Variants in PI4KB observed in about 807,000 individuals in gnomAD.
PI4KB encodes PtdIns 4-kinase beta.
In PI4KB, 23 loss-of-function variants were observed where a neutral mutation model predicts 81.4. The observed-to-expected ratio is 0.28, with a 90% CI of 0.20 to 0.40. PI4KB has a LOEUF of 0.40. Ranked by LOEUF, PI4KB falls within the 10% of genes least tolerant of loss-of-function variation. The pLI is 1.00. For synonymous variants in PI4KB, 381 were observed against 406.8 expected, an observed-to-expected ratio of 0.94 and a Z score of 0.76; for missense variants, 651 against 1,036.6, an observed-to-expected ratio of 0.63 and a Z score of 5.11.
At chr1:151,313,071 G>A (rs904463020) in intron 2 of PI4KB, among the ~76,000 whole-genome samples, 1 of 152,118 alleles carries the variant, frequency 6.6e-6, no homozygotes, top group Non-Finnish European at 1.5e-5. Context: ...AGGAAGGAAG[G>A]AAGGAAGGAA....
chr1:151,310,317 A>C, intron 2 of PI4KB, 62 bp from the exon 3 acceptor site: 1 of 1,056,694 alleles, frequency 9.5e-7, no homozygotes, highest in Non-Finnish European at 1.4e-6. Flanking sequence ...GAGAGAGACA[A>C]AGGTAAAGAA....
At chr1:151,293,506 GT>G in intron 11 of PI4KB, 1 of 987,872 alleles carries the variant, frequency 1.0e-6, no homozygotes, top group Admixed American at 3.9e-5. Flanking sequence ...GAGACTGGCA[GT>G]TCAGACCTGG....
At chr1:151,323,861 T>C (rs758627836) in intron 1 of PI4KB, among the ~76,000 whole-genome samples, 14 of 151,704 alleles carry the variant, frequency 9.2e-5, no homozygotes, top group Non-Finnish European at 1.6e-4. Flanking sequence ...AGAACAGGAG[T>C]AGGGATGAAC....
intron 1 of PI4KB, among the ~76,000 whole-genome samples, chr1:151,325,459 G>C (rs1487926109): frequency 6.6e-6 from 1 of 152,160 alleles, no homozygotes; most frequent in East Asian, 1.9e-4. Context: ...AGAGAGACAT[G>C]GCAGCAACTA....
chr1:151,293,725 A>C (rs587665587), intron 11 of PI4KB: 53 of 372,942 alleles, frequency 1.4e-4, no homozygotes, highest in Non-Finnish European at 2.1e-4. Context: ...AGAGCTGGAC[A>C]GGGGTGGGGA....
chr1:151,307,518 C>T, intron 4 of PI4KB, 56 bp downstream of exon 4: 4 of 1,215,770 alleles, frequency 3.3e-6, no homozygotes, highest in Non-Finnish European at 4.8e-6. Flanking sequence ...AAACTCTGAA[C>T]AACCATGGGT....
At chr1:151,301,807 C>T in intron 8 of PI4KB, 37 bp downstream of exon 8, 2 of 1,605,228 alleles carry the variant, frequency 1.2e-6, no homozygotes, top group Non-Finnish European at 1.7e-6. Flanking sequence ...GCTGGGATTA[C>T]AGCCACTGTG....
At chr1:151,307,019 A>G (rs1267970490) in intron 4 of PI4KB, among the ~76,000 whole-genome samples, 4 of 152,242 alleles carry the variant, frequency 2.6e-5, no homozygotes, top group African/African-American at 4.8e-5. Context: ...AGGTTGCAGT[A>G]AGCCAAGATT....
chr1:151,319,158 G>C (rs1648470986), intron 1 of PI4KB, among the ~76,000 whole-genome samples: 1 of 152,112 alleles, frequency 6.6e-6, no homozygotes, highest in African/African-American at 2.4e-5. Context: ...CACAGTCTTT[G>C]ATACATAGTA....
At chr1:151,296,255 A>G (rs1238833699) in intron 9 of PI4KB, among the ~76,000 whole-genome samples, 2 of 152,098 alleles carry the variant, frequency 1.3e-5, no homozygotes, top group Non-Finnish European at 2.9e-5. Flanking sequence ...TCACACACAC[A>G]CACAAAAATA....
Position 151,315,503 on chromosome 1 carries a change from A to ATAT in PI4KB, c.909+67_909+69dup, listed in dbSNP as rs112240189. 3.3e-3 allele frequency: 3,215 copies of ATAT among 973,196 alleles called. 83 individuals carry two copies. The African/African-American group carries it at 0.045, about 14-fold the overall frequency. 60.3% of individuals were successfully genotyped at this position (973,196 alleles called of 1,614,324 possible). ...GAAAGAACAGCGTAACCCTGTGTGT[A>ATAT]TATAGGAGGCATCCTGTCTCCATGC... On this transcript the variant is annotated intron_variant, in intron 2 of 11. Coordinates refer to ENST00000368873, the MANE Select transcript of PI4KB (RefSeq NM_001369623.2).
At chr1:151,306,662 C>T (rs1452071765) in intron 4 of PI4KB, among the ~76,000 whole-genome samples, 1 of 152,194 alleles carries the variant, frequency 6.6e-6, no homozygotes, top group Non-Finnish European at 1.5e-5. Flanking sequence ...GTAAGGGAGG[C>T]CTAGATGCCT....
In PI4KB at chr1:151,299,032, T is replaced by G. The variant is rs768413075; in HGVS notation, c.1791A>C (p.Pro597=). 1.2e-6 allele frequency: 2 copies of G among 1,614,150 alleles called. No individual in the cohort carries two copies. Among genetic ancestry groups the G allele is most frequent in the Non-Finnish European group, 1.7e-6 (2 of 1,179,976 alleles). ...CAGCCGAAATCACAAGAATCTTGTA[T>G]GGCTTGATCCAAAGGGGCACTCGCT... ...EQERVPLWIK[P]YKILVISADS... The change falls in exon 9 of 12, where the codon CCA becomes CCC. Residue 597 remains proline (P), a synonymous_variant. Transcript: ENST00000368873.
chr1:151,327,038 G>C (rs1331890302), intron 1 of PI4KB, among the ~76,000 whole-genome samples: 5 of 152,016 alleles, frequency 3.3e-5, no homozygotes, highest in Non-Finnish European at 7.4e-5. Context: ...AGTGAGGGAG[G>C]GGGGAATCCC....
At position 151,292,575 on chromosome 1, in the gene PI4KB, T is replaced by C. The variant is rs1271677964; in HGVS notation, c.*277A>G. The C allele has an allele frequency of 4.8e-6, 2 of 415,994 alleles. No individual in the cohort carries two copies. The highest frequency in any genetic ancestry group is 4.1e-5 in the African/African-American group (2 of 49,244). The allele number at this position is 415,994 out of a possible 1,614,324, so 25.8% of individuals were successfully genotyped here. A position where few individuals can be genotyped will look rare whatever the true frequency, so the allele number is the denominator to read the frequency against. On this transcript the variant is annotated 3_prime_UTR_variant, in exon 12 of 12. Transcript: ENST00000368873. ...TGTCCCTCACATTTGTCACCTCTGTTTTCTGGAGGGCAGTGAGTCCTGGAG... is the reference window on the plus strand; with the variant it reads ...TGTCCCTCACATTTGTCACCTCTGTCTTCTGGAGGGCAGTGAGTCCTGGAG...
chr1:151,294,048 C>T lies in PI4KB; in HGVS notation c.2239G>A (p.Val747Met). 1 of 1,614,188 alleles carries T rather than the reference C, an allele frequency of 6.2e-7. No homozygotes were observed. Among genetic ancestry groups the T allele is most frequent in the South Asian group, 1.1e-5 (1 of 91,090 alleles). Residue 747 changes from valine to methionine, a missense_variant, in exon 11 of 12, where the codon GTG becomes ATG. By Grantham distance (21) the Val-to-Met change is conservative. Coordinates refer to ENST00000368873, the MANE Select transcript of PI4KB (RefSeq NM_001369623.2). ...TGCATGATCTCCACGATCTGCACCACCTTGTCCATGTGTTTCCGAGCGGCA... is the reference window on the plus strand; with the variant it reads ...TGCATGATCTCCACGATCTGCACCATCTTGTCCATGTGTTTCCGAGCGGCA... ...LIAARKHMDK[V>M]VQIVEIMQQG... is the part of the protein sequence containing the mutation.
At chr1:151,294,918 C>T (rs587629448) in intron 9 of PI4KB, among the ~76,000 whole-genome samples, 3 of 152,328 alleles carry the variant, frequency 2.0e-5, no homozygotes, top group African/African-American at 4.8e-5. Context: ...AGAGGCCAAG[C>T]GCTCTACTCA....
chr1:151,302,361 A>G (rs587708547), intron 6 of PI4KB, 63 bp from the exon 7 acceptor site: 4 of 1,125,044 alleles, frequency 3.6e-6, no homozygotes, highest in Non-Finnish European at 5.4e-6. Flanking sequence ...TGCCCAGTCT[A>G]TACTGACATT....
Position 151,296,669 on chromosome 1 carries a change from C to T in PI4KB, c.2016-2128G>A, listed in dbSNP as rs953587532. On this transcript the variant is annotated intron_variant, in intron 9 of 11. Transcript: ENST00000368873. ...ATTTTTAGTAGAGATGGGGTTTCAC[C>T]GTGTTGGTCATGCTGGTCTCAAACT... Among the ~76,000 whole-genome samples the T allele has an allele frequency of 5.3e-5, 8 of 151,850 alleles. No individual in the cohort carries two copies. In the East Asian group the frequency reaches 7.8e-4, roughly 15 times the overall value.
Sources: gnomAD v4.1 joint callset for allele counts (sites outside exome capture counted in the v4.1 genomes callset) on GRCh38, gnomAD v4.1.1 for gene constraint, MANE v1.5 for transcripts, NCBI Gene and HGNC (gene_info 2026-07-23, HGNC 2026-07-21) for gene names.